PLD5: variants seen among roughly 807,000 people sequenced by gnomAD.
PLD5 encodes the protein inactive phospholipase D5.
PLD5 carries 36 observed loss-of-function variants against 61.1 expected under a neutral mutation model. The ratio of observed to expected loss-of-function variants is 0.59; its 90% CI spans 0.45 to 0.78. PLD5 has a LOEUF of 0.78. Ranked by LOEUF, PLD5 falls within the 30% of genes least tolerant of loss-of-function variation. The pLI is 0.00. For synonymous variants in PLD5, 243 were observed against 242.8 expected, an observed-to-expected ratio of 1.00 and a Z score of -0.01; for missense variants, 515 against 644.4, an observed-to-expected ratio of 0.80 and a Z score of 2.17.
chr1:242,520,763 T>C (rs1232169020), intron 1 of PLD5, among the ~76,000 whole-genome samples: 1 of 152,156 alleles, frequency 6.6e-6, no homozygotes, highest in Non-Finnish European at 1.5e-5. Flanking sequence ...TCTGGGATAG[T>C]CACATCTTAT....
chr1:242,360,334 AC>A (rs1660997593), intron 1 of PLD5, among the ~76,000 whole-genome samples: 1 of 152,188 alleles, frequency 6.6e-6, no homozygotes, highest in Non-Finnish European at 1.5e-5. Flanking sequence ...ATGAAAAAAA[AC>A]ATAAATTTTG....
chr1:242,267,597 A>G (rs925908494), intron 3 of PLD5, among the ~76,000 whole-genome samples: 2 of 152,150 alleles, frequency 1.3e-5, no homozygotes, highest in African/African-American at 4.8e-5. Flanking sequence ...TATTTAAAAA[A>G]GAGGCAGAGG....
At chr1:242,494,081 C>A (rs1188321272) in intron 1 of PLD5, among the ~76,000 whole-genome samples, 1 of 110,044 alleles carries the variant, frequency 9.1e-6, no homozygotes, top group African/African-American at 3.5e-5. Flanking sequence ...CTCCCCTCCC[C>A]TGCCCTCCCT....
chr1:242,181,046 G>A (rs952650242), intron 5 of PLD5, among the ~76,000 whole-genome samples: 10 of 152,046 alleles, frequency 6.6e-5, no homozygotes, highest in African/African-American at 2.4e-4. Context: ...TTCCCAGGTG[G>A]TAAAGCAGCT....
intron 1 of PLD5, among the ~76,000 whole-genome samples, chr1:242,493,206 C>T (rs1261496535): frequency 6.6e-6 from 1 of 152,098 alleles, no homozygotes; most frequent in Non-Finnish European, 1.5e-5. Context: ...TCCTGTCATA[C>T]ACATAGGGAC....
At chr1:242,363,950 C>G (rs1286848545) in intron 1 of PLD5, among the ~76,000 whole-genome samples, 2 of 152,072 alleles carry the variant, frequency 1.3e-5, no homozygotes, top group Non-Finnish European at 2.9e-5. Flanking sequence ...CACAAAAAAT[C>G]TAATATATAT....
At chr1:242,127,103 A>ACTTACT in intron 5 of PLD5, among the ~76,000 whole-genome samples, 1 of 152,344 alleles carries the variant, frequency 6.6e-6, no homozygotes, top group East Asian at 1.9e-4. Flanking sequence ...CCACAATGTG[A>ACTTACT]TACCACCTTA....
intron 5 of PLD5, among the ~76,000 whole-genome samples, chr1:242,175,682 T>C (rs1462484034): frequency 6.6e-6 from 1 of 152,246 alleles, no homozygotes; most frequent in African/African-American, 2.4e-5. Context: ...GATGACATGA[T>C]TGTATATTTA....
At chr1:242,430,714 C>T (rs1278529907) in intron 1 of PLD5, among the ~76,000 whole-genome samples, 1 of 152,142 alleles carries the variant, frequency 6.6e-6, no homozygotes, top group Non-Finnish European at 1.5e-5. Context: ...GCTGGTTCTC[C>T]TCCTCTGACT....
intron 2 of PLD5, among the ~76,000 whole-genome samples, chr1:242,297,485 G>A (rs1675750677): frequency 6.7e-6 from 1 of 150,086 alleles, no homozygotes; most frequent in African/African-American, 2.5e-5. Context: ...GCTCACTGCA[G>A]CCTTGAACTC....
chr1:242,162,720 G>A (rs531800205), intron 5 of PLD5, among the ~76,000 whole-genome samples: 4 of 152,224 alleles, frequency 2.6e-5, no homozygotes, highest in South Asian at 2.1e-4. Context: ...AAAAAGCTAC[G>A]AGAAGTTTTT....
At chr1:242,508,307 A>T (rs1251516475) in intron 1 of PLD5, among the ~76,000 whole-genome samples, 1 of 152,024 alleles carries the variant, frequency 6.6e-6, no homozygotes, top group African/African-American at 2.4e-5. Flanking sequence ...CGGGAGGTAG[A>T]GGCTGCAGTG....
At chr1:242,413,186 A>C (rs1268561120) in intron 1 of PLD5, among the ~76,000 whole-genome samples, 1 of 151,626 alleles carries the variant, frequency 6.6e-6, no homozygotes, top group Non-Finnish European at 1.5e-5. Flanking sequence ...CCATGCTGAC[A>C]CTCTGACCAG....
chr1:242,271,179 T>TACACACACAC (rs375177006), intron 3 of PLD5, among the ~76,000 whole-genome samples: 9 of 95,796 alleles, frequency 9.4e-5, no homozygotes, highest in East Asian at 2.9e-4. Context: ...CATGTGCATG[T>TACACACACAC]ACACACACAC....
chr1:242,289,774 T>C (rs552659932), intron 2 of PLD5, among the ~76,000 whole-genome samples: 125 of 152,184 alleles, frequency 8.2e-4, no homozygotes, highest in Non-Finnish European at 1.6e-3. Context: ...GCTCACAAAA[T>C]ACTTACAGAA....
rs547862797 is a variant in PLD5, at chr1:242,398,776, C to T, written c.190-50534G>A. Among the ~76,000 whole-genome samples, 6 of 152,240 alleles carry T rather than the reference C, an allele frequency of 3.9e-5. No homozygotes were observed. The South Asian group carries it at 1.0e-3, about 26-fold the overall frequency. ...GCAAAAGCCTTTTGCGAACTTCCAG[C>T]GTTGCAAAAATGCTAGTTATTAAAA... On this transcript the variant is annotated intron_variant, in intron 1 of 9. Transcript: ENST00000536534.
At chr1:242,326,768 A>G (rs1658816001) in intron 2 of PLD5, among the ~76,000 whole-genome samples, 1 of 151,904 alleles carries the variant, frequency 6.6e-6, no homozygotes, top group East Asian at 1.9e-4. Context: ...GTGCAGTGGC[A>G]TGATCACAGC....
chr1:242,293,321 CCTTTCTACAGTTTCTACAGTTTCA>C (rs1328742309), intron 2 of PLD5, among the ~76,000 whole-genome samples: 1 of 152,092 alleles, frequency 6.6e-6, no homozygotes. Flanking sequence ...TCTTCCTTAC[CCTTTCTACAGTTTCTACAGTTTCA>C]CTTTCTACAG....
chr1:242,212,011 A>G (rs1001472672), intron 5 of PLD5, among the ~76,000 whole-genome samples: 1 of 152,168 alleles, frequency 6.6e-6, no homozygotes, highest in Admixed American at 6.5e-5. Context: ...GAGAAATCTT[A>G]AACATTGCAT....
Sources: allele counts gnomAD v4.1 joint callset (sites outside exome capture counted in the v4.1 genomes callset), GRCh38; gene constraint gnomAD v4.1.1; transcripts MANE v1.5; gene names NCBI Gene and HGNC (gene_info 2026-07-23, HGNC 2026-07-21).